The following LIMCH1 variants were observed in gnomAD, a reference collection of about 807,000 sequenced individuals.
LIMCH1 encodes the protein LIM and calponin homology domains 1, also known as LIM and calponin homology domains-containing protein 1.
Under a neutral mutation model 176.5 loss-of-function variants are expected in LIMCH1, and 113 were observed. That is an observed-to-expected ratio of 0.64 (90% confidence interval 0.55 to 0.75). The LOEUF is 0.75. LIMCH1 is among the 30% of genes least tolerant of loss of function. The pLI is 0.00. For synonymous variants in LIMCH1, 619 were observed against 645.9 expected (o/e 0.96, Z 0.63); for missense variants, 1,674 against 1,814.9 (o/e 0.92, Z 1.41).
chr4:41,408,623 G>A (rs1276819113), intron 1 of LIMCH1, among the ~76,000 whole-genome samples: 2 of 152,190 alleles, frequency 1.3e-5, no homozygotes, highest in Non-Finnish European at 2.9e-5. Context: ...TTTGCCCTGA[G>A]TGAAAGTAGG....
rs551019267 is a variant in LIMCH1, at chr4:41,422,456, G to C, written c.96+61520G>C. Among the ~76,000 whole-genome samples, 8 of 152,136 alleles carry C rather than the reference G, an allele frequency of 5.3e-5. No individual in the cohort carries two copies. In the South Asian group the frequency reaches 1.5e-3, roughly 28 times the overall value. ...GCCTGCCTCGGCCTCCCAAAGTGCT[G>C]GGATTACAGGTGTGAGCCACCGTGC... On this transcript the variant is annotated intron_variant, in intron 1 of 26. Coordinates refer to the LIMCH1 transcript ENST00000313860.
At chr4:41,438,218 A>G (rs1007569680) in intron 1 of LIMCH1, among the ~76,000 whole-genome samples, 1 of 152,156 alleles carries the variant, frequency 6.6e-6, no homozygotes, top group Non-Finnish European at 1.5e-5. Flanking sequence ...ACAGAGATGT[A>G]CCCTCCATCA....
chr4:41,443,885 A>G (rs748610160), intron 1 of LIMCH1, among the ~76,000 whole-genome samples: 4 of 152,150 alleles, frequency 2.6e-5, no homozygotes, highest in Non-Finnish European at 5.9e-5. Flanking sequence ...TTCTGTCTAT[A>G]TTGCTGACTT....
intron 1 of LIMCH1, among the ~76,000 whole-genome samples, chr4:41,444,873 G>A (rs1256416739): frequency 6.6e-6 from 1 of 152,208 alleles, no homozygotes; most frequent in Non-Finnish European, 1.5e-5. Flanking sequence ...ACTGTCTGAT[G>A]TGATGGCCAG....
chr4:41,527,225 T>C (rs1471628242), intron 3 of LIMCH1, among the ~76,000 whole-genome samples: 2 of 152,196 alleles, frequency 1.3e-5, no homozygotes, highest in Non-Finnish European at 2.9e-5. Context: ...GAGTTAATAC[T>C]CGAGAGAGAT....
At chr4:41,603,728 C>A in intron 2 of LIMCH1, 147 bp from the exon 3 acceptor site, 1 of 575,290 alleles carries the variant, frequency 1.7e-6, no homozygotes, top group Non-Finnish European at 3.1e-6. Context: ...TGCCCGAAAT[C>A]ACAAAACTTA....
intron 1 of LIMCH1, among the ~76,000 whole-genome samples, chr4:41,570,436 A>G (rs1274271161): frequency 1.3e-5 from 2 of 152,222 alleles, no homozygotes; most frequent in African/African-American, 2.4e-5. Flanking sequence ...TTGTTCTATC[A>G]GCCCTCTTTT....
At chr4:41,544,306 ACT>A (rs1467590806) in intron 1 of LIMCH1, among the ~76,000 whole-genome samples, 1 of 152,094 alleles carries the variant, frequency 6.6e-6, no homozygotes, top group Non-Finnish European at 1.5e-5. Context: ...AATTTTCTTC[ACT>A]CTCTGTGTGT....
At chr4:41,423,272 G>A (rs2060782985) in intron 1 of LIMCH1, among the ~76,000 whole-genome samples, 1 of 152,136 alleles carries the variant, frequency 6.6e-6, no homozygotes, top group Non-Finnish European at 1.5e-5. Context: ...ATCTTTTCAG[G>A]GAAAGCCTTT....
At chr4:41,493,677 A>G (rs938205544) in intron 1 of LIMCH1, among the ~76,000 whole-genome samples, 24 of 152,126 alleles carry the variant, frequency 1.6e-4, no homozygotes, top group African/African-American at 5.6e-4. Context: ...CCATTCCCCC[A>G]TGGATATTGA....
chr4:41,477,041 A>G (rs1487604251), intron 1 of LIMCH1, among the ~76,000 whole-genome samples: 4 of 152,146 alleles, frequency 2.6e-5, no homozygotes, highest in African/African-American at 9.7e-5. Flanking sequence ...TCAACTGATA[A>G]TAGGGGGAAA....
chr4:41,483,872 A>C (rs2069080310), intron 1 of LIMCH1, among the ~76,000 whole-genome samples: 1 of 152,202 alleles, frequency 6.6e-6, no homozygotes, highest in African/African-American at 2.4e-5. Flanking sequence ...TTTTGCTCAA[A>C]TGCTGCACCA....
chr4:41,678,341 A>C (rs1712748885), intron 23 of LIMCH1, among the ~76,000 whole-genome samples: 1 of 151,736 alleles, frequency 6.6e-6, no homozygotes, highest in Admixed American at 6.6e-5. Flanking sequence ...TCTGCCTGTT[A>C]AGTTTGGCAT....
At chr4:41,460,458 C>CTATATATATATATATATCTA (rs1554057116) in intron 1 of LIMCH1, among the ~76,000 whole-genome samples, 1 of 110,546 alleles carries the variant, frequency 9.0e-6, no homozygotes, top group East Asian at 2.4e-4. Flanking sequence ...TAGTAATCAT[C>CTATATATATATATATATCTA]TATATATATA....
In LIMCH1 at chr4:41,646,380, T is replaced by G. The variant is rs1408650554; in HGVS notation, c.2411+100T>G. The G allele has an allele frequency of 3.3e-6, 5 of 1,504,414 alleles. No homozygotes were observed. The African/African-American group carries it at 7.0e-5, about 21-fold the overall frequency. The allele number at this position is 1,504,414 out of a possible 1,614,324, so 93.2% of individuals were successfully genotyped here. A position where few individuals can be genotyped will look rare whatever the true frequency, so the allele number is the denominator to read the frequency against. On this transcript the variant is annotated intron_variant, in intron 16 of 31. Transcript: ENST00000503057. The stretch of plus-strand genomic sequence containing the variant: ...TCACAAAGGTTCTGATAGTAACATT[T>G]TATATTCCCTGTACTATCTCTTCAG...
At chr4:41,533,467 T>C (rs758591894), upstream of LIMCH1, among the ~76,000 whole-genome samples, 1 of 152,166 alleles carries the variant, frequency 6.6e-6, no homozygotes, top group Non-Finnish European at 1.5e-5. Flanking sequence ...TCCTTGTGCT[T>C]ATAGGACTTT....
intron 1 of LIMCH1, among the ~76,000 whole-genome samples, chr4:41,474,588 A>G (rs938308671): frequency 1.3e-5 from 2 of 152,194 alleles, no homozygotes; most frequent in African/African-American, 4.8e-5. Context: ...CAACACCTCT[A>G]ATCACTAGAA....
At chr4:41,526,257 A>G (rs1407791360) in intron 3 of LIMCH1, among the ~76,000 whole-genome samples, 2 of 129,792 alleles carry the variant, frequency 1.5e-5, no homozygotes, top group South Asian at 2.5e-4. Flanking sequence ...TGTCCTTGCT[A>G]TCGCTTTTTT....
At chr4:41,389,981 A>G (rs918844621) in intron 1 of LIMCH1, among the ~76,000 whole-genome samples, 1 of 152,172 alleles carries the variant, frequency 6.6e-6, no homozygotes, top group Non-Finnish European at 1.5e-5. Context: ...ACTTAAAGCT[A>G]GACTTGGTGC....
Sources: allele counts gnomAD v4.1 joint callset (sites outside exome capture counted in the v4.1 genomes callset), GRCh38; gene constraint gnomAD v4.1.1; transcripts MANE v1.5; gene names NCBI Gene and HGNC (gene_info 2026-07-23, HGNC 2026-07-21).